The following HECW1 variants were observed in gnomAD, a reference collection of about 807,000 sequenced individuals.
HECW1 encodes HECT, C2 and WW domain containing E3 ubiquitin protein ligase 1, also known as E3 ubiquitin-protein ligase HECW1.
A neutral mutation model predicts 182.3 loss-of-function variants in HECW1; 61 were observed. The ratio of observed to expected loss-of-function variants is 0.33; its 90% confidence interval spans 0.27 to 0.41. The LOEUF (loss-of-function observed/expected upper bound fraction) is 0.41. HECW1 is among the 10% of genes least tolerant of loss of function. The pLI is 1.00. For missense variants in HECW1, 1,739 were observed against 2,108.9 expected (o/e 0.82, Z 3.44); for synonymous variants, 859 against 832.6 (o/e 1.03, Z -0.55).
chr7:43,368,170 C>T (rs568173584), intron 6 of HECW1, among the ~76,000 whole-genome samples: 1 of 152,262 alleles, frequency 6.6e-6, no homozygotes, highest in Admixed American at 6.5e-5. Context: ...GCCTAAGATA[C>T]GGGCAAGTGT....
intron 15 of HECW1, 109 bp downstream of exon 15, chr7:43,466,677 G>GA (rs902958958): frequency 2.3e-6 from 3 of 1,289,138 alleles, no homozygotes; most frequent in Non-Finnish European, 3.1e-6. Flanking sequence ...ACATAAGCAA[G>GA]AAAAAACAAA....
At chr7:43,439,824 AAAG>A (rs2076826579) in intron 9 of HECW1, 1 of 152,440 alleles carries the variant, frequency 6.6e-6, no homozygotes, top group Non-Finnish European at 1.5e-5. Flanking sequence ...TCCCCGACCA[AAAG>A]AAGGTTAGCT....
chr7:43,132,980 AG>A (rs1554289407), intron 2 of HECW1, among the ~76,000 whole-genome samples: 1 of 152,184 alleles, frequency 6.6e-6, no homozygotes, highest in Non-Finnish European at 1.5e-5. Context: ...TTTTTTAATA[AG>A]AAAGAAGGAT....
chr7:43,267,710 CAA>C (rs1801949429), intron 3 of HECW1, among the ~76,000 whole-genome samples: 1 of 151,776 alleles, frequency 6.6e-6, no homozygotes, highest in African/African-American at 2.4e-5. Flanking sequence ...TAAGAGAAAA[CAA>C]ATATTCATGA....
At chr7:43,417,980 C>A (rs983515325) in intron 8 of HECW1, among the ~76,000 whole-genome samples, 2 of 152,090 alleles carry the variant, frequency 1.3e-5, no homozygotes, top group African/African-American at 4.8e-5. Context: ...GCCAGAAGTC[C>A]AAAATGAAGG....
intron 17 of HECW1, among the ~76,000 whole-genome samples, chr7:43,480,696 T>C (rs28455160): frequency 4.6e-4 from 62 of 135,388 alleles, no homozygotes; most frequent in African/African-American, 7.4e-4. Flanking sequence ...TATATATATA[T>C]ACACACACAC....
intron 2 of HECW1, among the ~76,000 whole-genome samples, chr7:43,170,426 G>T (rs548861304): frequency 6.6e-6 from 1 of 152,120 alleles, no homozygotes; most frequent in Admixed American, 6.5e-5. Flanking sequence ...GTTGGAGACC[G>T]CTGGTTTCAC....
At chr7:43,234,387 G>T (rs924059255) in intron 2 of HECW1, among the ~76,000 whole-genome samples, 10 of 152,138 alleles carry the variant, frequency 6.6e-5, no homozygotes, top group Admixed American at 4.6e-4. Flanking sequence ...TCCTTCCAGT[G>T]AACTAGAAGC....
At chr7:43,371,915 G>C (rs938462116) in intron 6 of HECW1, among the ~76,000 whole-genome samples, 1 of 152,146 alleles carries the variant, frequency 6.6e-6, no homozygotes, top group African/African-American at 2.4e-5. Flanking sequence ...CTCCTCCCTG[G>C]TTCAAGTGAT....
intron 27 of HECW1, 148 bp from the exon 28 acceptor site, chr7:43,552,074 A>T (rs2081853134): frequency 1.6e-6 from 1 of 631,636 alleles, no homozygotes; most frequent in East Asian, 2.8e-5. Flanking sequence ...GATCATAGCA[A>T]TAATTTTCAA....
At chr7:43,320,221 C>T (rs1272161852) in intron 4 of HECW1, among the ~76,000 whole-genome samples, 1 of 152,246 alleles carries the variant, frequency 6.6e-6, no homozygotes, top group East Asian at 1.9e-4. Context: ...AGAACTAGAC[C>T]CCAAAGGGAG....
chr7:43,377,251 G>T (rs975832821), intron 6 of HECW1, among the ~76,000 whole-genome samples: 13 of 152,194 alleles, frequency 8.5e-5, no homozygotes, highest in Admixed American at 2.0e-4. Flanking sequence ...TACCATCAGT[G>T]CTTTTTACCC....
chr7:43,127,673 A>G (rs929935084), intron 2 of HECW1, among the ~76,000 whole-genome samples: 1 of 152,170 alleles, frequency 6.6e-6, no homozygotes, highest in Non-Finnish European at 1.5e-5. Flanking sequence ...ATTCTCTCCA[A>G]TTCTATGAAG....
At chr7:43,134,168 C>T (rs113758084) in intron 2 of HECW1, among the ~76,000 whole-genome samples, 8 of 151,862 alleles carry the variant, frequency 5.3e-5, no homozygotes, top group African/African-American at 1.7e-4. Flanking sequence ...TGGGAGTGGG[C>T]GGGTCACCTG....
Position 43,445,149 on chromosome 7 carries a change from C to A in HECW1, c.1977C>A (p.Asp659Glu). The change falls in exon 11 of 30, where the codon GAC (aspartate) becomes GAA (glutamate). Residue 659 changes from aspartate to glutamate, a missense_variant. Physicochemically the swap from Asp to Glu is conservative, Grantham distance 45. Transcript: ENST00000395891. ...DTHPSTGSESDSSPRQGGDHS... is the reference protein window; with the variant it reads ...DTHPSTGSESESSPRQGGDHS... ...ACCCCAGCACCGGGAGCGAGAGCGA[C>A]TCCAGCCCCAGGCAAGGCGGGGACC... 1 of 1,610,746 alleles carries A rather than the reference C, an allele frequency of 6.2e-7. No homozygotes were observed. Among genetic ancestry groups the A allele is most frequent in the Middle Eastern group, 1.7e-4 (1 of 6,052 alleles).
In HECW1 at chr7:43,539,109, T is replaced by C. The variant is rs2081277508; in HGVS notation, c.4020-2054T>C. ...AGAATTTTTAATACTGAACTATCCTTATCTAATTGAACATCCTTAATCATT... is the reference window on the plus strand; with the variant it reads ...AGAATTTTTAATACTGAACTATCCTCATCTAATTGAACATCCTTAATCATT... On this transcript the variant is annotated intron_variant, in intron 24 of 29. Coordinates refer to ENST00000395891, the MANE Select transcript of HECW1 (RefSeq NM_015052.5). Among the ~76,000 whole-genome samples, 7 of 152,224 alleles carry C rather than the reference T, an allele frequency of 4.6e-5. No individual in the cohort carries two copies. The South Asian group carries it at 1.4e-3, about 31-fold the overall frequency.
At chr7:43,266,641 A>G (rs1192682303) in intron 3 of HECW1, among the ~76,000 whole-genome samples, 1 of 152,164 alleles carries the variant, frequency 6.6e-6, no homozygotes, top group Non-Finnish European at 1.5e-5. Flanking sequence ...GCCTCAGGAA[A>G]TGTTTTAAGA....
intron 2 of HECW1, among the ~76,000 whole-genome samples, chr7:43,218,374 C>A (rs903506903): frequency 6.6e-6 from 1 of 152,150 alleles, no homozygotes; most frequent in African/African-American, 2.4e-5. Context: ...TTTTTCCAAA[C>A]AAGAGGACAA....
intron 5 of HECW1, among the ~76,000 whole-genome samples, chr7:43,324,046 A>AG (rs1269442085): frequency 2.0e-5 from 3 of 151,798 alleles, no homozygotes; most frequent in South Asian, 2.1e-4. Flanking sequence ...AAAAAGAAAA[A>AG]AAAAGGCTTG....
Sources: allele counts gnomAD v4.1 joint callset (sites outside exome capture counted in the v4.1 genomes callset), GRCh38; gene constraint gnomAD v4.1.1; transcripts MANE v1.5; gene names NCBI Gene and HGNC (gene_info 2026-07-23, HGNC 2026-07-21).